TEX11: variants seen among roughly 807,000 people sequenced by gnomAD.
TEX11 encodes testis expressed 11, also known as testis-expressed protein 11.
Under a neutral mutation model 84.4 loss-of-function variants are expected in TEX11, and 7 were observed. That is an observed-to-expected ratio of 0.08 (90% CI 0.05 to 0.16). The LOEUF (loss-of-function observed/expected upper bound fraction) is 0.16, where lower values mean the gene tolerates loss of function less well. Ranked by LOEUF, TEX11 falls within the 10% of genes least tolerant of loss-of-function variation. The pLI is 1.00. For synonymous variants in TEX11, 264 were observed against 222.8 expected (o/e 1.18, Z -1.64); for missense variants, 551 against 660.5 (o/e 0.83, Z 1.82).
At chrX:70,833,467 G>T (rs1038818485) in intron 8 of TEX11, 46 bp downstream of exon 8, 15 of 1,048,400 alleles carry the variant, frequency 1.4e-5, no homozygotes, top group Non-Finnish European at 2.0e-5. Context: ...CCTGGAACTT[G>T]ATATAGCATA....
chrX:70,702,364 T>C (rs1200060539), intron 13 of TEX11, among the ~76,000 whole-genome samples: 1 of 112,062 alleles, frequency 8.9e-6, no homozygotes, highest in Non-Finnish European at 1.9e-5. Context: ...TTATTATTTT[T>C]TTTTAGCAAT....
the TEX11 span, among the ~76,000 whole-genome samples, chrX:70,512,224 C>CA: frequency 9.3e-6 from 1 of 107,108 alleles, no homozygotes; most frequent in African/African-American, 3.5e-5. Flanking sequence ...CTCCACAAAG[C>CA]ATTTTCTTCT....
intron 19 of TEX11, 129 bp downstream of exon 19, chrX:70,624,710 C>T: frequency 2.2e-6 from 1 of 456,880 alleles, no homozygotes; most frequent in Non-Finnish European, 3.6e-6. Flanking sequence ...GTCCCAACCT[C>T]ACCCTCCTCT....
At chrX:70,551,974 C>A in intron 28 of TEX11, 152 bp downstream of exon 28, 1 of 609,775 alleles carries the variant, frequency 1.6e-6, no homozygotes, top group Admixed American at 5.4e-5. Flanking sequence ...TTCAGAAACC[C>A]AGGAAAATTC....
intron 9 of TEX11, among the ~76,000 whole-genome samples, chrX:70,765,160 C>T (rs1306528370): frequency 9.0e-6 from 1 of 111,526 alleles, no homozygotes; most frequent in African/African-American, 3.3e-5. Context: ...CCGAGGCAGG[C>T]GAATCACTTA....
intron 9 of TEX11, among the ~76,000 whole-genome samples, chrX:70,749,275 T>G (rs1158627533): frequency 9.4e-6 from 1 of 106,900 alleles, no homozygotes; most frequent in Non-Finnish European, 1.9e-5. Flanking sequence ...TGATTTTGTA[T>G]CCTGAGACTT....
At chrX:70,513,353 CAA>C in the TEX11 span, among the ~76,000 whole-genome samples, 2 of 82,889 alleles carry the variant, frequency 2.4e-5, no homozygotes, top group South Asian at 5.0e-4. Context: ...AACTCCATCT[CAA>C]AAAAAAAAGG....
At chrX:70,844,751 T>C (rs1185957478) in intron 7 of TEX11, among the ~76,000 whole-genome samples, 1 of 110,727 alleles carries the variant, frequency 9.0e-6, no homozygotes, top group Non-Finnish European at 1.9e-5. Flanking sequence ...GAAACCCCCA[T>C]CTCTACTAGA....
At chrX:70,624,784 A>C (rs1462123782) in intron 19 of TEX11, 55 bp downstream of exon 19, 7 of 1,000,232 alleles carry the variant, frequency 7.0e-6, no homozygotes, top group Non-Finnish European at 9.7e-6. Flanking sequence ...TTATTGACTA[A>C]GAGCAAGATA....
rs2090728016 is a variant in TEX11 at position 70,740,752 on chromosome X, A to G, written c.792T>C (p.Asp264=). Residue 264 remains aspartate, a synonymous_variant, in exon 11 of 30, where the codon GAT becomes GAC. Transcript: ENST00000374333. The part of the protein sequence containing the change: ...RLLATNYLDW[D]DTKYYDKALN... The stretch of plus-strand genomic sequence containing the variant: ...GAGCCTTATCATAATATTTGGTGTC[A>G]TCCCAATCCAAATAATTCGTGGCTA... 15 of 1,197,181 alleles carry G rather than the reference A, an allele frequency of 1.3e-5. No homozygotes were observed. The highest frequency in any genetic ancestry group is 1.7e-5 in the Non-Finnish European group (15 of 888,313).
intron 13 of TEX11, among the ~76,000 whole-genome samples, chrX:70,710,007 A>G (rs5936959): frequency 0.45 from 48,820 of 109,631 alleles, 8,404 homozygotes; most frequent in East Asian, 0.58. Flanking sequence ...CACTATCTCT[A>G]GGTTTCTGAT....
intron 9 of TEX11, among the ~76,000 whole-genome samples, chrX:70,783,165 G>C (rs1306681901): frequency 8.9e-6 from 1 of 111,913 alleles, no homozygotes; most frequent in Non-Finnish European, 1.9e-5. Flanking sequence ...TTAGAACTCA[G>C]GATTAAGAAA....
Position 70,606,975 on chromosome X carries a change from A to G in TEX11, c.1934T>C (p.Phe645Ser). 8.4e-7 allele frequency: 1 copy of G among 1,195,823 alleles called. No homozygotes were observed. Among genetic ancestry groups the G allele is most frequent in the Non-Finnish European group, 1.1e-6 (1 of 887,365 alleles). Reference sequence around the variant, plus strand: ...GAAACTTACCTTATAAGAAAGTATAAAAAACTCTCTCATCATCACTGGATC... The same window carrying G: ...GAAACTTACCTTATAAGAAAGTATAGAAAACTCTCTCATCATCACTGGATC... ...DKDPVMMREFFILSYKMSQFC... is the reference protein window; with the variant it reads ...DKDPVMMREFSILSYKMSQFC... The change falls in exon 23 of 30, where the codon TTT (phenylalanine) becomes TCT (serine). Residue 645 changes from phenylalanine to serine, a missense_variant. Transcript: ENST00000374333.
At chrX:70,588,813 A>C (rs1338139721) in intron 25 of TEX11, among the ~76,000 whole-genome samples, 2 of 110,729 alleles carry the variant, frequency 1.8e-5, no homozygotes, top group Admixed American at 1.9e-4. Context: ...TCACACCTGT[A>C]ATCACAGCAC....
rs746314307 is a variant in TEX11 at position 70,650,196 on chromosome X, G to A, written c.1483+1254C>T. Among the ~76,000 whole-genome samples the A allele has an allele frequency of 4.5e-5, 5 of 110,665 alleles. No homozygotes were observed. The South Asian group carries it at 1.9e-3, about 43-fold the overall frequency. On this transcript the variant is annotated intron_variant, in intron 17 of 29. Transcript: ENST00000374333. ...AGGTATTTTTTTTCTACATTGTGGT[G>A]GTAGTTATATGACTGTATGCACTTC...
At chrX:70,792,496 A>G (rs1388598338) in intron 9 of TEX11, among the ~76,000 whole-genome samples, 3 of 102,406 alleles carry the variant, frequency 2.9e-5, no homozygotes, top group African/African-American at 7.0e-5. Flanking sequence ...TAGAAAAACA[A>G]AAACAAACTA....
chrX:70,759,161 G>A (rs1229893783), intron 9 of TEX11, among the ~76,000 whole-genome samples: 4 of 111,424 alleles, frequency 3.6e-5, no homozygotes, highest in Admixed American at 2.9e-4. Context: ...AGGACCAGAC[G>A]GACTCACAGC....
chrX:70,546,020 C>G (rs1002085961), intron 28 of TEX11, among the ~76,000 whole-genome samples: 4 of 111,895 alleles, frequency 3.6e-5, no homozygotes, highest in African/African-American at 9.7e-5. Context: ...TTTTATAGCT[C>G]TCTTATAATA....
intron 28 of TEX11, among the ~76,000 whole-genome samples, chrX:70,548,512 T>C (rs1340107491): frequency 1.8e-5 from 2 of 109,748 alleles, no homozygotes; most frequent in Non-Finnish European, 3.8e-5. Flanking sequence ...CACTGAAGAG[T>C]GTAGGAAGGA....
Sources: gnomAD v4.1 joint callset for allele counts (sites outside exome capture counted in the v4.1 genomes callset) on GRCh38, gnomAD v4.1.1 for gene constraint, MANE v1.5 for transcripts, NCBI Gene and HGNC (gene_info 2026-07-23, HGNC 2026-07-21) for gene names.